SEMA7A: variants seen among roughly 807,000 people sequenced by gnomAD.
SEMA7A encodes the protein semaphorin-7A.
SEMA7A carries 21 observed loss-of-function variants against 67.5 expected under a neutral mutation model. The ratio of observed to expected loss-of-function variants is 0.31; its 90% CI spans 0.22 to 0.45. SEMA7A has a LOEUF of 0.45. SEMA7A is among the 20% of genes least tolerant of loss of function. The probability of loss-of-function intolerance (pLI) is 1.00; values close to 1 mark genes in which losing one functional copy is unlikely to be tolerated. For synonymous variants in SEMA7A, 364 were observed against 368.5 expected (o/e 0.99, Z 0.14); for missense variants, 774 against 908.6 (o/e 0.85, Z 1.90).
In SEMA7A at chr15:74,425,796, G is replaced by A. The variant is rs774292467; in HGVS notation, c.179-6844C>T. Among the ~76,000 whole-genome samples, 9 of 152,078 alleles carry A rather than the reference G, an allele frequency of 5.9e-5. No homozygotes were observed. In the South Asian group the frequency reaches 8.3e-4, roughly 14 times the overall value. On this transcript the variant is annotated intron_variant, in intron 1 of 13. Transcript: ENST00000261918. ...CATGTGCTCAATCCAGATATCTACC[G>A]TAGACAGTCGTCTCCTGGTGACTGC...
chr15:74,433,643 G>C (rs1477012378), intron 1 of SEMA7A, 98 bp downstream of exon 1: 2 of 1,307,502 alleles, frequency 1.5e-6, no homozygotes, highest in East Asian at 3.2e-5. Context: ...GGGACCCGCA[G>C]AGCTGCGCGC....
Position 74,423,551 on chromosome 15 carries a change from C to G in SEMA7A, c.179-4599G>C, listed in dbSNP as rs186693320. Among the ~76,000 whole-genome samples the G allele has an allele frequency of 1.3e-5, 2 of 152,300 alleles. No individual in the cohort carries two copies. The highest frequency in any genetic ancestry group is 1.9e-4 in the East Asian group (1 of 5,182). On this transcript the variant is annotated intron_variant, in intron 1 of 13. Coordinates refer to ENST00000261918, the MANE Select transcript of SEMA7A (RefSeq NM_003612.5). The surrounding 1 kb of genome is among the most constrained non-coding windows in gnomAD (Gnocchi z 4.1). ...TTGCAAAAAGCTGTATATTCAGCCT[C>G]TCCCTACTTCCCTGAATCATCCCTA...
chr15:74,428,101 C>A (rs999651491), intron 1 of SEMA7A, among the ~76,000 whole-genome samples: 3 of 152,248 alleles, frequency 2.0e-5, no homozygotes, highest in African/African-American at 4.8e-5. Context: ...ATCAACCTGT[C>A]CTTGGGACCT....
At chr15:74,418,050 C>G in intron 3 of SEMA7A, 81 bp from the exon 4 acceptor site, 1 of 1,500,740 alleles carries the variant, frequency 6.7e-7, no homozygotes, top group African/African-American at 1.4e-5. Context: ...CCCCCAGGAT[C>G]AGGGAAGAAG....
chr15:74,428,308 T>G (rs916793906), intron 1 of SEMA7A, among the ~76,000 whole-genome samples: 1 of 152,078 alleles, frequency 6.6e-6, no homozygotes, highest in Non-Finnish European at 1.5e-5. Context: ...CAGAGTATGA[T>G]GGCAGACAGA....
intron 1 of SEMA7A, among the ~76,000 whole-genome samples, chr15:74,424,894 A>C (rs944726121): frequency 6.6e-6 from 1 of 152,240 alleles, no homozygotes; most frequent in African/African-American, 2.4e-5. Flanking sequence ...TGGCTCCTTC[A>C]AAGCAGACAA....
At chr15:74,427,110 A>G (rs919999586) in intron 1 of SEMA7A, 1 of 544,166 alleles carries the variant, frequency 1.8e-6, no homozygotes, top group East Asian at 1.5e-4. Flanking sequence ...CCTTGGATCC[A>G]GGAAGTATTC....
At chr15:74,419,745 G>T (rs1476313283) in intron 1 of SEMA7A, among the ~76,000 whole-genome samples, 1 of 152,176 alleles carries the variant, frequency 6.6e-6, no homozygotes, top group Non-Finnish European at 1.5e-5. Flanking sequence ...TAGCTCTCCG[G>T]GGGGTGAAGA....
In SEMA7A at chr15:74,414,825, G is replaced by A; in HGVS notation, c.1095+13C>T. Reference sequence around the variant, plus strand: ...GAGGGCTGGGCCTGGGCCACGGCTGGTGTCACGCTCACCTTGCCAGGCCGC... The same window carrying A: ...GAGGGCTGGGCCTGGGCCACGGCTGATGTCACGCTCACCTTGCCAGGCCGC... On this transcript the variant is annotated intron_variant, in intron 9 of 13. Transcript: ENST00000261918. This position sits in a 1 kb window ranked among gnomAD's most constrained non-coding sequence, Gnocchi z 4.1. 1 of 1,614,000 alleles carries A rather than the reference G, an allele frequency of 6.2e-7. No homozygotes were observed. Among genetic ancestry groups the A allele is most frequent in the Non-Finnish European group, 8.5e-7 (1 of 1,179,856 alleles).
At chr15:74,419,221 T>C (rs769020866) in intron 1 of SEMA7A, among the ~76,000 whole-genome samples, 3 of 152,158 alleles carry the variant, frequency 2.0e-5, no homozygotes, top group Admixed American at 6.5e-5. Flanking sequence ...CTTCACAGTA[T>C]GTGTGATCTC....
rs142553012 is a variant in SEMA7A, at chr15:74,418,340, C to T, written c.331-31G>A. ...GGAAGGGGAGAAGCATTAGTTCAAT[C>T]TGCCAGGGGTGAGGTACCCCTGAAA... On this transcript the variant is annotated intron_variant, in intron 2 of 13. Coordinates refer to ENST00000261918, the MANE Select transcript of SEMA7A (RefSeq NM_003612.5). 37 of 1,610,596 alleles carry T rather than the reference C, an allele frequency of 2.3e-5. No homozygotes were observed. The African/African-American group carries it at 3.9e-4, about 17-fold the overall frequency.
intron 1 of SEMA7A, among the ~76,000 whole-genome samples, chr15:74,429,076 C>T (rs2061065570): frequency 6.6e-6 from 1 of 152,206 alleles, no homozygotes; most frequent in Non-Finnish European, 1.5e-5. Flanking sequence ...AGGTTAAGGG[C>T]CCCTTCCTCC....
rs748819446 is a variant in SEMA7A at position 74,417,579 on chromosome 15, G to A, written c.550+12C>T. Reference sequence around the variant, plus strand: ...GCATCCCCCTGGGGCGCCTGCTCCAGCACTGCCCTACCTTCAAACAGAACC... The same window carrying A: ...GCATCCCCCTGGGGCGCCTGCTCCAACACTGCCCTACCTTCAAACAGAACC... On this transcript the variant is annotated intron_variant, in intron 5 of 13. Transcript: ENST00000261918. 10 of 1,610,682 alleles carry A rather than the reference G, an allele frequency of 6.2e-6. No homozygotes were observed. The South Asian group carries it at 8.8e-5, about 14-fold the overall frequency.
At chr15:74,425,751 C>T (rs1202187842) in intron 1 of SEMA7A, among the ~76,000 whole-genome samples, 1 of 152,204 alleles carries the variant, frequency 6.6e-6, no homozygotes, top group Non-Finnish European at 1.5e-5. Context: ...TTCCAGCTCC[C>T]CACCTCCTCC....
rs530970736 is a variant in SEMA7A at position 74,410,284 on chromosome 15, C to T, written c.*340G>A. On this transcript the variant is annotated 3_prime_UTR_variant, in exon 14 of 14. Coordinates refer to ENST00000261918, the MANE Select transcript of SEMA7A (RefSeq NM_003612.5). The surrounding 1 kb of genome is among the most constrained non-coding windows in gnomAD (Gnocchi z 7.5). ...GGAGTCCCAGCTCTCCTATCCAAAC[C>T]CACTCCCCGACCCATGGGCTCTTGG... is the stretch of plus-strand genomic sequence containing the variant. The T allele has an allele frequency of 2.4e-4, 64 of 266,530 alleles. No homozygotes were observed. Among genetic ancestry groups the T allele is most frequent in the African/African-American group, 1.3e-3 (60 of 45,196 alleles). 16.5% of individuals were successfully genotyped at this position (266,530 alleles called of 1,614,324 possible). A position where few individuals can be genotyped will look rare whatever the true frequency, so the allele number is the denominator to read the frequency against.
At chr15:74,431,981 C>G (rs1454691533) in intron 1 of SEMA7A, among the ~76,000 whole-genome samples, 3 of 150,776 alleles carry the variant, frequency 2.0e-5, no homozygotes, top group Admixed American at 1.3e-4. Context: ...CTGGGAGCTT[C>G]GAAAAGTGGG....
chr15:74,421,629 C>T (rs2061000991), intron 1 of SEMA7A, among the ~76,000 whole-genome samples: 1 of 152,218 alleles, frequency 6.6e-6, no homozygotes, highest in South Asian at 2.1e-4. Context: ...CCATTCTCCA[C>T]CCCAGCCCCA....
rs571813202 is a variant in SEMA7A, at chr15:74,420,358, T to C, written c.179-1406A>G. Among the ~76,000 whole-genome samples, 16 of 152,260 alleles carry C rather than the reference T, an allele frequency of 1.1e-4. No homozygotes were observed. The South Asian group carries it at 2.1e-3, about 20-fold the overall frequency. On this transcript the variant is annotated intron_variant, in intron 1 of 13. Coordinates refer to ENST00000261918, the MANE Select transcript of SEMA7A (RefSeq NM_003612.5). Reference sequence around the variant, plus strand: ...GAATGCTGAGGTACCCTGGGAGACATGCCAAGGTCACACCAGCAGGCAGGA... The same window carrying C: ...GAATGCTGAGGTACCCTGGGAGACACGCCAAGGTCACACCAGCAGGCAGGA...
At chr15:74,413,609 G>T (rs947551889) in intron 10 of SEMA7A, among the ~76,000 whole-genome samples, 1 of 152,198 alleles carries the variant, frequency 6.6e-6, no homozygotes, top group African/African-American at 2.4e-5. Flanking sequence ...GCAAGGATGG[G>T]GGCCCAAGGG....
Sources: allele counts gnomAD v4.1 joint callset (sites outside exome capture counted in the v4.1 genomes callset), GRCh38; gene constraint gnomAD v4.1.1; non-coding constraint Gnocchi (gnomAD v3.1); transcripts MANE v1.5; gene names NCBI Gene and HGNC (gene_info 2026-07-23, HGNC 2026-07-21).